Variants in ANK3 observed in about 807,000 individuals in gnomAD.
ANK3 encodes ankyrin 3, also known as ankyrin-3.
A neutral mutation model predicts 370.9 loss-of-function variants in ANK3; 57 were observed. That is an observed-to-expected ratio of 0.15 (90% CI 0.12 to 0.19). ANK3 has a LOEUF of 0.19. ANK3 is among the 10% of genes least tolerant of loss of function. The pLI is 1.00. For synonymous variants in ANK3, 1,929 were observed against 1,946.3 expected, an observed-to-expected ratio of 0.99 and a Z score of 0.23; for missense variants, 4,439 against 5,302.1, an observed-to-expected ratio of 0.84 and a Z score of 5.06.
chr10:60,382,462 G>T (rs1036568355), intron 1 of ANK3, among the ~76,000 whole-genome samples: 1 of 152,026 alleles, frequency 6.6e-6, no homozygotes, highest in Non-Finnish European at 1.5e-5. Flanking sequence ...AATCTAAATT[G>T]AAATCTATAT....
chr10:60,410,805 A>G lies in ANK3; in HGVS notation c.97-131166T>C, dbSNP rs7100195. ...CTTAGCATCCTGAGTAGCTGGGACT[A>G]CAGGTGCACACCAGAATGCCTGGCC... On this transcript the variant is annotated intron_variant, in intron 2 of 43. Transcript: ENST00000373827. Among the ~76,000 whole-genome samples the G allele has an allele frequency of 3.4e-3, 511 of 152,182 alleles. 4 individuals are homozygous for G. The highest frequency in any genetic ancestry group is 0.012 in the African/African-American group (483 of 41,504).
chr10:60,571,001 G>GAGCC (rs2077582132), intron 2 of ANK3, among the ~76,000 whole-genome samples: 1 of 151,584 alleles, frequency 6.6e-6, no homozygotes, highest in Admixed American at 6.6e-5. Flanking sequence ...AATCATGGTG[G>GAGCC]AGCCTGTCAA....
At chr10:60,144,068 G>C (rs1354889234) in intron 23 of ANK3, 6 of 283,894 alleles carry the variant, frequency 2.1e-5, no homozygotes. Context: ...CACCATCTTG[G>C]ACATCTGGTC....
chr10:60,141,575 T>G (rs868716692), intron 23 of ANK3, among the ~76,000 whole-genome samples: 2 of 145,812 alleles, frequency 1.4e-5, no homozygotes, highest in Admixed American at 6.8e-5. Flanking sequence ...TTTTTTTTTT[T>G]TTTTTTTTTT....
At chr10:60,469,069 A>T (rs1236707234) in intron 2 of ANK3, among the ~76,000 whole-genome samples, 2 of 716 alleles carry the variant, frequency 2.8e-3, no homozygotes, top group African/African-American at 6.0e-3. Context: ...CTTTTAGTAT[A>T]TATATATATA....
intron 38 of ANK3, among the ~76,000 whole-genome samples, chr10:60,065,667 T>C (rs773436305): frequency 2.4e-4 from 36 of 152,234 alleles, no homozygotes; most frequent in Non-Finnish European, 2.4e-4. Context: ...GTTGTGATCA[T>C]GGCCTACAGT....
chr10:60,228,834 G>C (rs2097203021), intron 8 of ANK3, among the ~76,000 whole-genome samples: 1 of 152,066 alleles, frequency 6.6e-6, no homozygotes, highest in Non-Finnish European at 1.5e-5. Context: ...TTAGCACTTG[G>C]AACCACATAG....
At chr10:60,258,092 T>C (rs911171715) in intron 7 of ANK3, among the ~76,000 whole-genome samples, 2 of 152,236 alleles carry the variant, frequency 1.3e-5, no homozygotes, top group Non-Finnish European at 2.9e-5. Flanking sequence ...AGTGCACAAA[T>C]GCTCCTTACT....
intron 1 of ANK3, among the ~76,000 whole-genome samples, chr10:60,375,501 G>C (rs1019518706): frequency 9.2e-5 from 14 of 151,982 alleles, no homozygotes; most frequent in South Asian, 2.1e-4. Context: ...CTGCCTGGGG[G>C]GGGAGGGGGG....
chr10:60,477,259 GT>G (rs1567075083), intron 2 of ANK3, among the ~76,000 whole-genome samples: 1 of 151,980 alleles, frequency 6.6e-6, no homozygotes, highest in Non-Finnish European at 1.5e-5. Context: ...AGTAAGAAGC[GT>G]AAGGGGAATG....
chr10:60,628,883 T>C (rs1256061940), intron 1 of ANK3, among the ~76,000 whole-genome samples: 2 of 152,212 alleles, frequency 1.3e-5, no homozygotes, highest in Non-Finnish European at 2.9e-5. Flanking sequence ...ACATTTCCAA[T>C]TGGTTAGGAA....
chr10:60,030,283 C>T (rs933498080), intron 43 of ANK3, among the ~76,000 whole-genome samples: 1 of 152,086 alleles, frequency 6.6e-6, no homozygotes, highest in Non-Finnish European at 1.5e-5. Context: ...GCTGGGACTA[C>T]AGGTGCCCAC....
At chr10:60,250,882 A>G (rs529219109) in intron 7 of ANK3, among the ~76,000 whole-genome samples, 3 of 152,362 alleles carry the variant, frequency 2.0e-5, no homozygotes, top group Admixed American at 6.5e-5. Context: ...CACCAGCCAG[A>G]ACACAAGAGG....
chr10:60,528,006 T>A (rs2076514249), intron 2 of ANK3, among the ~76,000 whole-genome samples: 1 of 151,956 alleles, frequency 6.6e-6, no homozygotes, highest in African/African-American at 2.4e-5. Context: ...TAAACGAAAG[T>A]CTAGAACAGT....
chr10:60,030,292 ACCACCACG>A (rs1208263698), intron 43 of ANK3, among the ~76,000 whole-genome samples: 5 of 151,648 alleles, frequency 3.3e-5, no homozygotes, highest in Non-Finnish European at 7.4e-5. Context: ...ACAGGTGCCC[ACCACCACG>A]CCTGGCTAAT....
intron 2 of ANK3, among the ~76,000 whole-genome samples, chr10:60,488,488 G>A (rs1419606069): frequency 1.3e-5 from 2 of 152,078 alleles, no homozygotes; most frequent in Non-Finnish European, 2.9e-5. Flanking sequence ...TTACAGAGTT[G>A]TGCAACCATC....
intron 8 of ANK3, among the ~76,000 whole-genome samples, chr10:60,218,885 T>C (rs939875100): frequency 6.6e-6 from 1 of 152,142 alleles, no homozygotes; most frequent in Non-Finnish European, 1.5e-5. Flanking sequence ...GTTTTCCAGC[T>C]TGTTTCCATT....
Position 60,482,168 on chromosome 10 carries a change from C to T in ANK3, c.96+133018G>A, listed in dbSNP as rs190659663. Among the ~76,000 whole-genome samples, 119 of 152,270 alleles carry T rather than the reference C, an allele frequency of 7.8e-4. 1 individual carries two copies. The highest frequency in any genetic ancestry group is 7.3e-3 in the Admixed American group (111 of 15,300). On this transcript the variant is annotated intron_variant, in intron 2 of 43. Transcript: ENST00000373827. ...TCCTACCTCAAACTCATCAGCCTTG[C>T]TCCCCTTGTTGCTCTGACTCAAATG... is the stretch of plus-strand genomic sequence containing the variant.
At chr10:60,235,682 T>G (rs2097321814) in intron 7 of ANK3, among the ~76,000 whole-genome samples, 2 of 151,564 alleles carry the variant, frequency 1.3e-5, no homozygotes, top group Non-Finnish European at 2.9e-5. Flanking sequence ...ACTACAGGTG[T>G]GCACCACCAT....
Sources: gnomAD v4.1 joint callset for allele counts (sites outside exome capture counted in the v4.1 genomes callset) on GRCh38, gnomAD v4.1.1 for gene constraint, MANE v1.5 for transcripts, NCBI Gene and HGNC (gene_info 2026-07-23, HGNC 2026-07-21) for gene names.